TBCA: variants seen among roughly 807,000 people sequenced by gnomAD.
The protein encoded by TBCA is tubulin-specific chaperone A.
A neutral mutation model predicts 15.8 loss-of-function variants in TBCA; 6 were observed. The ratio of observed to expected loss-of-function variants is 0.38; its 90% CI spans 0.21 to 0.75. The LOEUF is 0.75. Ranked by LOEUF, TBCA falls within the 30% of genes least tolerant of loss-of-function variation. TBCA has a pLI of 0.46. For missense variants in TBCA, 90 were observed against 131.2 expected (o/e 0.69, Z 1.53); for synonymous variants, 32 against 42.3 (o/e 0.76, Z 0.94).
intron 1 of TBCA, among the ~76,000 whole-genome samples, chr5:77,767,940 G>A (rs1250698256): frequency 6.6e-6 from 1 of 152,314 alleles, no homozygotes; most frequent in East Asian, 1.9e-4. Context: ...ATTAGGTAAT[G>A]AGGTCTCCTC....
chr5:77,744,989 A>G (rs1161056748), intron 1 of TBCA, among the ~76,000 whole-genome samples: 1 of 152,226 alleles, frequency 6.6e-6, no homozygotes, highest in Non-Finnish European at 1.5e-5. Context: ...TACTTAAACT[A>G]AATTTCTTCA....
At chr5:77,736,356 T>C (rs1027024845) in intron 1 of TBCA, among the ~76,000 whole-genome samples, 22 of 138,676 alleles carry the variant, frequency 1.6e-4, no homozygotes, top group Admixed American at 5.7e-4. Context: ...AAAAAAAAAA[T>C]CTAGCTGGAA....
intron 1 of TBCA, among the ~76,000 whole-genome samples, chr5:77,745,422 T>C (rs1255362330): frequency 6.6e-6 from 1 of 152,232 alleles, no homozygotes; most frequent in Non-Finnish European, 1.5e-5. Context: ...CCACTAAAAT[T>C]AGTCACAACT....
At chr5:77,753,142 G>GA (rs34367083) in intron 1 of TBCA, among the ~76,000 whole-genome samples, 9 of 150,940 alleles carry the variant, frequency 6.0e-5, no homozygotes, top group South Asian at 4.2e-4. Context: ...CAGTGGGGGA[G>GA]AAAAAAAAAT....
intron 1 of TBCA, among the ~76,000 whole-genome samples, chr5:77,724,149 C>T (rs1170515895): frequency 1.8e-4 from 27 of 151,970 alleles, no homozygotes; most frequent in Non-Finnish European, 2.1e-4. Flanking sequence ...TTTATAGATA[C>T]GTGTAAAGGG....
intron 1 of TBCA, among the ~76,000 whole-genome samples, chr5:77,750,411 C>T (rs188313544): frequency 6.6e-6 from 1 of 152,118 alleles, no homozygotes; most frequent in East Asian, 1.9e-4. Flanking sequence ...GGGATGTGTT[C>T]CTGACTCACG....
intron 2 of TBCA, among the ~76,000 whole-genome samples, chr5:77,696,739 C>T (rs932567420): frequency 6.6e-6 from 1 of 152,048 alleles, no homozygotes; most frequent in Non-Finnish European, 1.5e-5. Flanking sequence ...CTGGGCAACA[C>T]AGTGAAACTC....
chr5:77,712,226 T>A (rs1372697224), intron 1 of TBCA, among the ~76,000 whole-genome samples: 1 of 152,202 alleles, frequency 6.6e-6, no homozygotes, highest in African/African-American at 2.4e-5. Flanking sequence ...CAACCTGTAG[T>A]GTATGAAATT....
At chr5:77,775,243 A>G (rs1747994018) in intron 1 of TBCA, among the ~76,000 whole-genome samples, 1 of 152,262 alleles carries the variant, frequency 6.6e-6, no homozygotes, top group South Asian at 2.1e-4. Flanking sequence ...CGACTAAGGC[A>G]TAAGTGACTA....
chr5:77,757,044 T>C (rs1303363939), intron 1 of TBCA, among the ~76,000 whole-genome samples: 1 of 152,198 alleles, frequency 6.6e-6, no homozygotes, highest in Non-Finnish European at 1.5e-5. Flanking sequence ...AACCAAGTGC[T>C]TGGTTTTATT....
intron 1 of TBCA, among the ~76,000 whole-genome samples, chr5:77,749,298 C>G (rs1442630425): frequency 1.3e-5 from 2 of 152,202 alleles, no homozygotes; most frequent in African/African-American, 4.8e-5. Context: ...TACAGTAGTA[C>G]AGCATGGACT....
At chr5:77,710,080 T>C (rs1746240566) in intron 1 of TBCA, among the ~76,000 whole-genome samples, 1 of 152,198 alleles carries the variant, frequency 6.6e-6, no homozygotes, top group Non-Finnish European at 1.5e-5. Flanking sequence ...CTAAAAATGA[T>C]TGTGGTGATA....
At chr5:77,721,268 G>C (rs1370625728) in intron 1 of TBCA, among the ~76,000 whole-genome samples, 2 of 152,130 alleles carry the variant, frequency 1.3e-5, no homozygotes, top group Admixed American at 1.3e-4. Flanking sequence ...GGATTTCTTA[G>C]TTGGGTTCAG....
intron 1 of TBCA, among the ~76,000 whole-genome samples, chr5:77,755,367 A>G (rs1417338214): frequency 6.6e-6 from 1 of 151,216 alleles, no homozygotes; most frequent in Non-Finnish European, 1.5e-5. Context: ...TCATGAGGTC[A>G]GGAGCTCAAG....
intron 1 of TBCA, among the ~76,000 whole-genome samples, chr5:77,758,989 G>A (rs955416090): frequency 5.9e-5 from 9 of 151,448 alleles, no homozygotes; most frequent in South Asian, 2.1e-4. Context: ...ACCAACTGCC[G>A]ATTATCATTT....
At chr5:77,718,452 A>G (rs554632439) in intron 1 of TBCA, among the ~76,000 whole-genome samples, 12 of 152,334 alleles carry the variant, frequency 7.9e-5, no homozygotes, top group Non-Finnish European at 1.3e-4. Context: ...AAAAAAGTCA[A>G]TTGGAAAAAT....
At chr5:77,749,471 T>C (rs1169318986) in intron 1 of TBCA, among the ~76,000 whole-genome samples, 1 of 152,240 alleles carries the variant, frequency 6.6e-6, no homozygotes, top group African/African-American at 2.4e-5. Flanking sequence ...AATGGACTAG[T>C]GTCTACACAT....
chr5:77,722,444 TAAC>T (rs1214204094), intron 1 of TBCA, among the ~76,000 whole-genome samples: 1 of 152,014 alleles, frequency 6.6e-6, no homozygotes, highest in Non-Finnish European at 1.5e-5. Flanking sequence ...TAAACGAAAG[TAAC>T]AACGTTTTTA....
intron 2 of TBCA, 48 bp from the exon 3 acceptor site, chr5:77,693,400 G>A (rs1490964945): frequency 6.3e-7 from 1 of 1,581,570 alleles, no homozygotes; most frequent in Non-Finnish European, 8.6e-7. Context: ...AGAACTTGTA[G>A]GTGTTTAGCT....
Sources: allele counts gnomAD v4.1 joint callset (sites outside exome capture counted in the v4.1 genomes callset), GRCh38; gene constraint gnomAD v4.1.1; transcripts MANE v1.5; gene names NCBI Gene and HGNC (gene_info 2026-07-23, HGNC 2026-07-21).